Variants in PRKG1 observed in about 807,000 individuals in gnomAD.
PRKG1 encodes the protein protein kinase cGMP-dependent 1, also known as cGMP-dependent protein kinase 1.
A neutral mutation model predicts 88.1 loss-of-function variants in PRKG1; 35 were observed. The observed-to-expected ratio is 0.40, with a 90% CI of 0.30 to 0.53. The LOEUF (loss-of-function observed/expected upper bound fraction) is 0.53, where lower values mean the gene tolerates loss of function less well. PRKG1 is among the 20% of genes least tolerant of loss of function. The pLI, the probability that PRKG1 is intolerant of heterozygous loss-of-function variation, is 0.59. For synonymous variants in PRKG1, 303 were observed against 292.5 expected (o/e 1.04, Z -0.37); for missense variants, 540 against 839.8 (o/e 0.64, Z 4.41).
chr10:51,475,308 C>A (rs12359399), intron 3 of PRKG1, among the ~76,000 whole-genome samples: 27,236 of 151,834 alleles, frequency 0.18, 2,755 homozygotes, highest in Non-Finnish European at 0.23. Flanking sequence ...TCAGCATCAC[C>A]TAGGCCCTCA....
chr10:51,010,281 C>T (rs561166718), intron 1 of PRKG1, among the ~76,000 whole-genome samples: 5 of 152,346 alleles, frequency 3.3e-5, no homozygotes, highest in African/African-American at 9.6e-5. Flanking sequence ...CCATTAATGG[C>T]ATCTCACTCA....
At chr10:51,272,915 G>A (rs1198591971) in intron 2 of PRKG1, among the ~76,000 whole-genome samples, 1 of 152,114 alleles carries the variant, frequency 6.6e-6, no homozygotes, top group Non-Finnish European at 1.5e-5. Context: ...TACTGTCATG[G>A]CTTGTATTAG....
intron 3 of PRKG1, among the ~76,000 whole-genome samples, chr10:51,611,017 C>A (rs1340318627): frequency 6.6e-6 from 1 of 151,444 alleles, no homozygotes; most frequent in Non-Finnish European, 1.5e-5. Flanking sequence ...ATGTAACAAA[C>A]CTGCACATTC....
intron 1 of PRKG1, among the ~76,000 whole-genome samples, chr10:51,103,181 A>G (rs1012272433): frequency 1.3e-5 from 2 of 152,148 alleles, no homozygotes; most frequent in African/African-American, 4.8e-5. Context: ...AAGATATTCA[A>G]TAGAAAAAGA....
At chr10:52,015,527 A>AT (rs533572825) in intron 5 of PRKG1, among the ~76,000 whole-genome samples, 92 of 152,130 alleles carry the variant, frequency 6.0e-4, no homozygotes, top group African/African-American at 2.1e-3. Context: ...CCCTGGAGAC[A>AT]TTTTTTTCCA....
At chr10:51,319,328 A>G (rs181840511) in intron 2 of PRKG1, among the ~76,000 whole-genome samples, 146 of 152,036 alleles carry the variant, frequency 9.6e-4, no homozygotes, top group African/African-American at 3.1e-3. Flanking sequence ...GTGAAACAAC[A>G]TATTTGAACT....
At chr10:51,946,057 A>G (rs529508848) in intron 5 of PRKG1, among the ~76,000 whole-genome samples, 64 of 152,036 alleles carry the variant, frequency 4.2e-4, no homozygotes, top group African/African-American at 1.5e-3. Context: ...GTGTTTTCCA[A>G]CTTGGTTCCA....
In PRKG1 at chr10:51,824,463, G is replaced by A. The variant is rs531271524; in HGVS notation, c.698+19773G>A. On this transcript the variant is annotated intron_variant, in intron 4 of 17. Transcript: ENST00000373980. Reference sequence around the variant, plus strand: ...TGTTGATTGTTTCTTATCTTTTGTGGATATAGGCATAGCATAAGAATTAGT... The same window carrying A: ...TGTTGATTGTTTCTTATCTTTTGTGAATATAGGCATAGCATAAGAATTAGT... Among the ~76,000 whole-genome samples the A allele has an allele frequency of 7.2e-5, 11 of 152,154 alleles. No homozygotes were observed. In the East Asian group the frequency reaches 2.1e-3, roughly 29 times the overall value.
rs555784927 is a variant in PRKG1 at position 52,268,234 on chromosome 10, C to T, written c.1174-3116C>T. On this transcript the variant is annotated intron_variant, in intron 10 of 17. Transcript: ENST00000373980. ...AAAGTAAAGGCAAAGCAGAAAGCCT[C>T]AGTAGGTTAGCAGTATAGTTCTATA... 1.2e-4 allele frequency among the ~76,000 whole-genome samples: 18 copies of T among 152,244 alleles called. No individual in the cohort carries two copies. The East Asian group carries it at 2.9e-3, about 25-fold the overall frequency.
At chr10:52,150,919 A>G (rs1837894798) in intron 8 of PRKG1, among the ~76,000 whole-genome samples, 1 of 152,214 alleles carries the variant, frequency 6.6e-6, no homozygotes, top group Non-Finnish European at 1.5e-5. Flanking sequence ...GATATCTACT[A>G]TAATTGATAT....
intron 7 of PRKG1, among the ~76,000 whole-genome samples, chr10:52,064,113 G>C (rs1424555339): frequency 6.6e-6 from 1 of 152,182 alleles, no homozygotes; most frequent in East Asian, 1.9e-4. Context: ...TTCTGCCCAG[G>C]AACCTGTCTG....
At chr10:51,762,489 A>G (rs1301642733) in intron 3 of PRKG1, among the ~76,000 whole-genome samples, 4 of 152,228 alleles carry the variant, frequency 2.6e-5, no homozygotes, top group Non-Finnish European at 4.4e-5. Flanking sequence ...ACTCAATAGT[A>G]TATTCAATCG....
chr10:51,091,788 AC>A (rs1844403764), intron 1 of PRKG1, among the ~76,000 whole-genome samples: 1 of 152,134 alleles, frequency 6.6e-6, no homozygotes, highest in African/African-American at 2.4e-5. Context: ...GGATTAATAT[AC>A]CTTTTCCCTC....
rs529424197 is a variant in PRKG1, at chr10:51,806,962, A to G, written c.698+2272A>G. On this transcript the variant is annotated intron_variant, in intron 4 of 17. Transcript: ENST00000373980. ...GGACCCAACTAAAAGCTGCCTTTCC[A>G]TGTATACTTACCTCATTACACTGAG... 7.2e-5 allele frequency among the ~76,000 whole-genome samples: 11 copies of G among 152,128 alleles called. No individual in the cohort carries two copies. The South Asian group carries it at 2.3e-3, about 32-fold the overall frequency.
chr10:52,246,733 A>G (rs1207886697), intron 9 of PRKG1, among the ~76,000 whole-genome samples: 2 of 151,912 alleles, frequency 1.3e-5, no homozygotes, highest in Non-Finnish European at 2.9e-5. Flanking sequence ...AAAATGAGCC[A>G]TGCGTGGTGG....
chr10:51,892,847 G>A (rs867427518), intron 4 of PRKG1, among the ~76,000 whole-genome samples: 2 of 152,162 alleles, frequency 1.3e-5, no homozygotes, highest in Non-Finnish European at 2.9e-5. Context: ...CCAAGTTTCA[G>A]AAGACTGGGA....
chr10:51,617,303 T>A (rs1839084804), intron 3 of PRKG1, among the ~76,000 whole-genome samples: 1 of 152,192 alleles, frequency 6.6e-6, no homozygotes, highest in Non-Finnish European at 1.5e-5. Flanking sequence ...CTGTCACTTT[T>A]CTGTTGAATT....
intron 1 of PRKG1, among the ~76,000 whole-genome samples, chr10:51,136,341 A>G (rs185207044): frequency 6.6e-6 from 1 of 152,182 alleles, no homozygotes; most frequent in East Asian, 1.9e-4. Flanking sequence ...TATGTAGGCA[A>G]GAATGCTTTC....
At chr10:51,576,223 C>G (rs1053363517) in intron 3 of PRKG1, among the ~76,000 whole-genome samples, 1 of 151,864 alleles carries the variant, frequency 6.6e-6, no homozygotes, top group African/African-American at 2.4e-5. Context: ...ATTACAAATC[C>G]AACCCAATTT....
Sources: allele counts gnomAD v4.1 joint callset (sites outside exome capture counted in the v4.1 genomes callset), GRCh38; gene constraint gnomAD v4.1.1; transcripts MANE v1.5; gene names NCBI Gene and HGNC (gene_info 2026-07-23, HGNC 2026-07-21).